Variants in TANK observed in about 807,000 individuals in gnomAD.
TANK encodes TRAF family member associated NFKB activator.
Under a neutral mutation model 43.6 loss-of-function variants are expected in TANK, and 15 were observed. The ratio of observed to expected loss-of-function variants is 0.34; its 90% CI spans 0.23 to 0.53. The LOEUF (loss-of-function observed/expected upper bound fraction) is 0.53, where lower values mean the gene tolerates loss of function less well. Ranked by LOEUF, TANK falls within the 20% of genes least tolerant of loss-of-function variation. The pLI is 0.94. For missense variants in TANK, 417 were observed against 498.6 expected (o/e 0.84, Z 1.56); for synonymous variants, 162 against 178.2 (o/e 0.91, Z 0.73).
At chr2:161,190,966 G>T (rs905613255) in intron 2 of TANK, among the ~76,000 whole-genome samples, 1 of 152,028 alleles carries the variant, frequency 6.6e-6, no homozygotes, top group Non-Finnish European at 1.5e-5. Flanking sequence ...AAAAGAATTG[G>T]TCTAGCCTAG....
At chr2:161,233,514 T>A (rs566195188) in intron 7 of TANK, among the ~76,000 whole-genome samples, 31 of 152,302 alleles carry the variant, frequency 2.0e-4, no homozygotes, top group African/African-American at 7.2e-4. Context: ...CAATCATTAC[T>A]ACTAAACATC....
chr2:161,176,772 G>A (rs1308893029), intron 1 of TANK, among the ~76,000 whole-genome samples: 1 of 152,076 alleles, frequency 6.6e-6, no homozygotes, highest in Non-Finnish European at 1.5e-5. Context: ...AACAAAGCAA[G>A]GGACTAGATG....
chr2:161,212,459 TATTA>T, intron 4 of TANK: 15 of 984,538 alleles, frequency 1.5e-5, no homozygotes, highest in Non-Finnish European at 1.8e-5. Context: ...CAATCTAAAT[TATTA>T]ATTAATCCTA....
intron 5 of TANK, 45 bp downstream of exon 5, chr2:161,224,036 C>T (rs1687484393): frequency 8.2e-7 from 1 of 1,225,490 alleles, no homozygotes. Context: ...ATTATCAATA[C>T]TGAAATATAT....
chr2:161,167,848 T>A (rs1684758563), intron 1 of TANK, among the ~76,000 whole-genome samples: 4 of 151,958 alleles, frequency 2.6e-5, no homozygotes, highest in Admixed American at 2.6e-4. Flanking sequence ...ATGGTCTCGA[T>A]CTCCTGACCT....
intron 1 of TANK, among the ~76,000 whole-genome samples, chr2:161,167,238 T>C (rs1214868017): frequency 1.3e-5 from 2 of 152,214 alleles, no homozygotes; most frequent in Non-Finnish European, 2.9e-5. Context: ...AGCCTTTGAT[T>C]CTCTTCAAAC....
intron 1 of TANK, among the ~76,000 whole-genome samples, chr2:161,172,853 C>T (rs188302400): frequency 6.6e-6 from 1 of 152,258 alleles, no homozygotes; most frequent in Admixed American, 6.5e-5. Flanking sequence ...CTTGAATCCA[C>T]TCATCTTTAT....
chr2:161,204,166 G>T (rs960628925), intron 3 of TANK, among the ~76,000 whole-genome samples: 2 of 152,206 alleles, frequency 1.3e-5, no homozygotes, highest in South Asian at 4.1e-4. Context: ...GGTGATTCTT[G>T]TGTGAAGTTA....
At chr2:161,174,002 A>G (rs1016239047) in intron 1 of TANK, among the ~76,000 whole-genome samples, 22 of 152,228 alleles carry the variant, frequency 1.4e-4, no homozygotes, top group African/African-American at 4.8e-4. Flanking sequence ...ACGTAGTCAC[A>G]TGACCACACC....
chr2:161,202,889 T>G (rs1421815114), intron 2 of TANK: 4 of 467,510 alleles, frequency 8.6e-6, no homozygotes, highest in Non-Finnish European at 1.8e-5. Context: ...GCAAAATTAA[T>G]GGATTAACAA....
chr2:161,139,941 T>C (rs1424546485), intron 1 of TANK: 9 of 966,904 alleles, frequency 9.3e-6, no homozygotes, highest in Non-Finnish European at 8.6e-6. Flanking sequence ...ATCCAACTTA[T>C]ATTAAGAAAA....
rs536670899 is a variant in TANK, at chr2:161,215,572, T to A, written c.328-8343T>A. 7.9e-5 allele frequency among the ~76,000 whole-genome samples: 12 copies of A among 152,318 alleles called. No individual in the cohort carries two copies. In the South Asian group the frequency reaches 2.3e-3, roughly 29 times the overall value. On this transcript the variant is annotated intron_variant, in intron 4 of 7. Transcript: ENST00000392749. ...ATGAAGTGCTGCATACTAGGTACTC[T>A]GTTTTTTTAATTTTTAAAGGCGCAA... is the stretch of plus-strand genomic sequence containing the variant.
intron 1 of TANK, among the ~76,000 whole-genome samples, chr2:161,164,206 A>G (rs1684570524): frequency 6.6e-6 from 1 of 152,248 alleles, no homozygotes; most frequent in Non-Finnish European, 1.5e-5. Flanking sequence ...GACTGTTGAC[A>G]TAAAGCTTCG....
chr2:161,158,900 C>A (rs1684294975), upstream of TANK, among the ~76,000 whole-genome samples: 1 of 152,144 alleles, frequency 6.6e-6, no homozygotes, highest in African/African-American at 2.4e-5. Context: ...CTTTACCTCC[C>A]CAAAGAAGTT....
intron 3 of TANK, among the ~76,000 whole-genome samples, chr2:161,204,135 T>C (rs987441713): frequency 1.7e-5 from 2 of 120,776 alleles, no homozygotes; most frequent in Admixed American, 7.7e-5. Context: ...AATAAGTGTT[T>C]TTTTCATTTA....
At chr2:161,208,297 C>A in intron 4 of TANK, 1 of 825,746 alleles carries the variant, frequency 1.2e-6, no homozygotes, top group Non-Finnish European at 1.5e-6. Flanking sequence ...ATAGTTCAGT[C>A]TCTATTCATG....
At chr2:161,182,097 A>G (rs1449208934) in intron 2 of TANK, among the ~76,000 whole-genome samples, 1 of 151,306 alleles carries the variant, frequency 6.6e-6, no homozygotes, top group Non-Finnish European at 1.5e-5. Context: ...TTTTTTTTCC[A>G]TTCAGGTTTA....
intron 4 of TANK, chr2:161,208,210 A>G (rs1686731839): frequency 2.0e-6 from 2 of 985,434 alleles, no homozygotes; most frequent in Non-Finnish European, 2.4e-6. Flanking sequence ...AAAAAGAGAC[A>G]CAAAGTAGAG....
chr2:161,208,246 G>A, intron 4 of TANK: 1 of 984,086 alleles, frequency 1.0e-6, no homozygotes, highest in Non-Finnish European at 1.2e-6. Flanking sequence ...GAAGGGGAAA[G>A]AGGCCCTTTT....
Sources: gnomAD v4.1 joint callset for allele counts (sites outside exome capture counted in the v4.1 genomes callset) on GRCh38, gnomAD v4.1.1 for gene constraint, MANE v1.5 for transcripts, NCBI Gene and HGNC (gene_info 2026-07-23, HGNC 2026-07-21) for gene names.